FBXW11: variants seen among roughly 807,000 people sequenced by gnomAD.
FBXW11 encodes the protein F-box and WD repeat domain containing 11.
A neutral mutation model predicts 77.6 loss-of-function variants in FBXW11; 19 were observed. The observed-to-expected ratio is 0.24, with a 90% CI of 0.17 to 0.36. The LOEUF (loss-of-function observed/expected upper bound fraction) is 0.36. Among genes scored for constraint, FBXW11 ranks in the 10% least tolerant of loss-of-function variants. The pLI, the probability that FBXW11 is intolerant of heterozygous loss-of-function variation, is 1.00. For missense variants in FBXW11, 334 were observed against 704.2 expected, an observed-to-expected ratio of 0.47 and a Z score of 5.95; for synonymous variants, 235 against 249.4, an observed-to-expected ratio of 0.94 and a Z score of 0.54.
intron 1 of FBXW11, among the ~76,000 whole-genome samples, chr5:171,966,041 T>C (rs1764171418): frequency 6.6e-6 from 1 of 152,214 alleles, no homozygotes; most frequent in East Asian, 1.9e-4. Flanking sequence ...CCTTCAGCCA[T>C]GATTGTAAGT....
chr5:171,999,965 C>G (rs1261485822), intron 1 of FBXW11, among the ~76,000 whole-genome samples: 1 of 152,162 alleles, frequency 6.6e-6, no homozygotes, highest in Non-Finnish European at 1.5e-5. Context: ...ACTCTTCCAT[C>G]TTTTAGTTTC....
chr5:171,998,703 A>G (rs1006720607), intron 1 of FBXW11, among the ~76,000 whole-genome samples: 45 of 150,314 alleles, frequency 3.0e-4, no homozygotes, highest in African/African-American at 1.1e-3. Flanking sequence ...AGGCTGAGGA[A>G]GGAGAATCAC....
chr5:171,931,835 CCCT>C (rs1419039259), intron 2 of FBXW11, among the ~76,000 whole-genome samples: 8 of 32,090 alleles, frequency 2.5e-4, no homozygotes, highest in Admixed American at 4.8e-4. Flanking sequence ...CTCTCTCTCT[CCCT>C]CCCTCCCTCC....
At chr5:171,940,727 A>C (rs1019166228) in intron 2 of FBXW11, among the ~76,000 whole-genome samples, 3 of 152,174 alleles carry the variant, frequency 2.0e-5, no homozygotes, top group African/African-American at 7.2e-5. Context: ...GTCTGTACTA[A>C]AAATACAAAA....
intron 2 of FBXW11, among the ~76,000 whole-genome samples, chr5:171,956,371 G>GT (rs762949470): frequency 9.9e-5 from 15 of 152,168 alleles, no homozygotes; most frequent in Non-Finnish European, 2.1e-4. Context: ...TCCTGTTCTT[G>GT]TAAGGTGAGA....
chr5:171,978,939 G>T (rs576250810), intron 1 of FBXW11, among the ~76,000 whole-genome samples: 3 of 151,978 alleles, frequency 2.0e-5, no homozygotes, highest in Admixed American at 1.3e-4. Context: ...GAGATTTTTT[G>T]ATTTATTAAA....
At chr5:171,984,452 A>G (rs1239312261) in intron 1 of FBXW11, among the ~76,000 whole-genome samples, 1 of 152,230 alleles carries the variant, frequency 6.6e-6, no homozygotes, top group Non-Finnish European at 1.5e-5. Context: ...ATTTACATGT[A>G]CTTCATGTCT....
At chr5:171,938,572 C>T (rs1215168163) in intron 2 of FBXW11, among the ~76,000 whole-genome samples, 2 of 152,130 alleles carry the variant, frequency 1.3e-5, no homozygotes, top group African/African-American at 2.4e-5. Context: ...TGTGTCACAA[C>T]CCTTTTGGAA....
intron 13 of FBXW11, among the ~76,000 whole-genome samples, chr5:171,867,469 T>A (rs573138304): frequency 8.0e-5 from 12 of 150,598 alleles, no homozygotes; most frequent in Non-Finnish European, 1.8e-4. Flanking sequence ...AAAAAAAACT[T>A]AATGGATAAG....
chr5:171,940,109 T>G (rs1023936600), intron 2 of FBXW11, among the ~76,000 whole-genome samples: 2 of 152,206 alleles, frequency 1.3e-5, no homozygotes, highest in Non-Finnish European at 1.5e-5. Flanking sequence ...ATCCATGGAA[T>G]GCGGAGGGCC....
chr5:171,967,629 T>G (rs1764263619), intron 1 of FBXW11, among the ~76,000 whole-genome samples: 1 of 151,466 alleles, frequency 6.6e-6, no homozygotes, highest in African/African-American at 2.4e-5. Context: ...CACCTGAGGT[T>G]GGGAGTTCCA....
intron 2 of FBXW11, among the ~76,000 whole-genome samples, chr5:171,954,446 G>A (rs1218370756): frequency 6.6e-6 from 1 of 152,176 alleles, no homozygotes; most frequent in Non-Finnish European, 1.5e-5. Flanking sequence ...AAAGAACGTG[G>A]AAAATAAATG....
chr5:171,931,936 G>A (rs2113082226), intron 2 of FBXW11, among the ~76,000 whole-genome samples: 1 of 143,036 alleles, frequency 7.0e-6, no homozygotes, highest in Non-Finnish European at 1.5e-5. Flanking sequence ...GTGCAGTGAT[G>A]CAATCACCAC....
chr5:172,003,134 T>C (rs551938212), intron 1 of FBXW11: 1 of 152,196 alleles, frequency 6.6e-6, no homozygotes, highest in East Asian at 1.9e-4. Flanking sequence ...AACAATTAAT[T>C]ATAAACCATC....
chr5:171,998,331 CTTGTCTTTTTT>C (rs1322728585), intron 1 of FBXW11, among the ~76,000 whole-genome samples: 3 of 112,018 alleles, frequency 2.7e-5, no homozygotes, highest in African/African-American at 1.9e-4. Flanking sequence ...ATATTTTTTT[CTTGTCTTTTTT>C]TTTTTTTTTT....
rs76416685 is a variant in FBXW11, at chr5:171,996,619, T to A, written c.45+9839A>T. ...TCAAGGCTGCAGTAAGCCATGTTTG[T>A]GCCACTGCAGTCCAGCCTGGGCGAC... On this transcript the variant is annotated intron_variant, in intron 1 of 13. Transcript: ENST00000517395. Among the ~76,000 whole-genome samples the A allele has an allele frequency of 9.1e-3, 1,389 of 152,284 alleles. 54 individuals are homozygous for A. Among genetic ancestry groups the A allele is most frequent in the Admixed American group, 0.057 (876 of 15,294 alleles).
rs994689800 is a variant in FBXW11, at chr5:171,876,600, G to A, written c.972-66C>T. The A allele has an allele frequency of 3.2e-6, 5 of 1,578,488 alleles. No homozygotes were observed. In the African/African-American group the frequency reaches 6.7e-5, roughly 21 times the overall value. On this transcript the variant is annotated intron_variant, in intron 8 of 13. Coordinates refer to ENST00000517395, the MANE Select transcript of FBXW11 (RefSeq NM_001378974.1). The surrounding 1 kb of genome is among the most constrained non-coding windows in gnomAD (Gnocchi z 4.2). ...CAGCCAGGAAATGATTCTGGTATCT[G>A]AGCTCTGTCTGGGTCTGCAATGGTT...
At chr5:171,968,284 TC>T in intron 1 of FBXW11, among the ~76,000 whole-genome samples, 1 of 151,620 alleles carries the variant, frequency 6.6e-6, no homozygotes, top group Non-Finnish European at 1.5e-5. Context: ...GTGAAACCCC[TC>T]GTCTCTACTA....
chr5:171,977,196 C>T (rs968158496), intron 1 of FBXW11, among the ~76,000 whole-genome samples: 5 of 150,724 alleles, frequency 3.3e-5, no homozygotes, highest in South Asian at 2.1e-4. Context: ...AAAAATTAGT[C>T]GGGTATGGTG....
Sources: gnomAD v4.1 joint callset for allele counts (sites outside exome capture counted in the v4.1 genomes callset) on GRCh38, gnomAD v4.1.1 for gene constraint, Gnocchi (gnomAD v3.1) non-coding constraint, MANE v1.5 for transcripts, NCBI Gene and HGNC (gene_info 2026-07-23, HGNC 2026-07-21) for gene names.